The following BRDT variants were observed in gnomAD, a reference collection of about 807,000 sequenced individuals.
BRDT encodes bromodomain testis-specific protein.
A neutral mutation model predicts 113.9 loss-of-function variants in BRDT; 77 were observed. That is an observed-to-expected ratio of 0.68 (90% CI 0.56 to 0.82). The LOEUF (loss-of-function observed/expected upper bound fraction) is 0.82, where lower values mean the gene tolerates loss of function less well. Ranked by LOEUF, BRDT falls within the 40% of genes least tolerant of loss-of-function variation. BRDT has a pLI of 0.00. For synonymous variants in BRDT, 358 were observed against 366.5 expected (o/e 0.98, Z 0.26); for missense variants, 1,027 against 1,105.4 (o/e 0.93, Z 1.01).
intron 1 of BRDT, among the ~76,000 whole-genome samples, chr1:91,953,817 C>T (rs766665): frequency 0.78 from 119,073 of 152,162 alleles, 47,385 homozygotes; most frequent in Non-Finnish European, 0.85. Context: ...ACAAAGTGAA[C>T]TGAACTTTTC....
At chr1:92,006,140 G>A (rs1422484306) in intron 18 of BRDT, among the ~76,000 whole-genome samples, 1 of 152,066 alleles carries the variant, frequency 6.6e-6, no homozygotes, top group African/African-American at 2.4e-5. Flanking sequence ...TTATTTTATG[G>A]CCTGGCTTAT....
chr1:91,983,456 G>A (rs553269296), intron 12 of BRDT, among the ~76,000 whole-genome samples: 8 of 151,766 alleles, frequency 5.3e-5, no homozygotes, highest in South Asian at 2.1e-4. Context: ...GGGTTTCACC[G>A]TGTTAGCCAG....
chr1:92,004,225 A>T (rs1226401896), intron 16 of BRDT, among the ~76,000 whole-genome samples, 189 bp from the exon 17 acceptor site: 1 of 152,100 alleles, frequency 6.6e-6, no homozygotes, highest in Non-Finnish European at 1.5e-5. Flanking sequence ...TAGATGATCT[A>T]TTATGTTTTT....
At position 91,994,068 on chromosome 1, in the gene BRDT, ATTTTG is replaced by A; in HGVS notation, c.2116-10_2116-6del. 6.3e-7 allele frequency: 1 copy of A among 1,580,690 alleles called. No individual in the cohort carries two copies. The highest frequency in any genetic ancestry group is 1.7e-4 in the Middle Eastern group (1 of 5,902). Reference sequence around the variant, plus strand: ...TGGTTAAAACTAAGTGATAACTTTGATTTTGTTTTAACAGATAGGATATTGTGTGC... The same window carrying A: ...TGGTTAAAACTAAGTGATAACTTTGATTTTAACAGATAGGATATTGTGTGC... On this transcript the variant is annotated splice_polypyrimidine_tract_variant and intron_variant, in intron 14 of 18. Coordinates refer to ENST00000399546, the MANE Select transcript of BRDT (RefSeq NM_207189.4).
At chr1:91,954,797 T>C (rs933958921) in intron 1 of BRDT, among the ~76,000 whole-genome samples, 2 of 149,536 alleles carry the variant, frequency 1.3e-5, no homozygotes, top group African/African-American at 2.5e-5. Context: ...TCATCTCTAC[T>C]AAAAAAATTA....
At chr1:91,970,926 AAAAAG>A (rs1557820508) in intron 4 of BRDT, among the ~76,000 whole-genome samples, 1 of 151,868 alleles carries the variant, frequency 6.6e-6, no homozygotes, top group Non-Finnish European at 1.5e-5. Flanking sequence ...AAAAAAAAAA[AAAAAG>A]AAAAGGAAAG....
intron 18 of BRDT, among the ~76,000 whole-genome samples, chr1:92,012,920 A>G (rs1687928918): frequency 6.8e-6 from 1 of 147,766 alleles, no homozygotes; most frequent in Non-Finnish European, 1.5e-5. Context: ...AAGAAAAAAA[A>G]AAAAGAATGT....
chr1:92,007,816 T>C (rs1234995418), intron 18 of BRDT, among the ~76,000 whole-genome samples: 3 of 152,234 alleles, frequency 2.0e-5, no homozygotes, highest in Non-Finnish European at 2.9e-5. Context: ...TCTCTTAAAT[T>C]GTTTTAAATA....
At chr1:91,980,565 T>G in intron 8 of BRDT, 78 bp from the exon 9 acceptor site, 1 of 1,222,828 alleles carries the variant, frequency 8.2e-7, no homozygotes, top group Non-Finnish European at 1.1e-6. Flanking sequence ...TTCTTGACTT[T>G]GGAGTGGCTT....
In BRDT at chr1:91,962,228, A is replaced by G. The variant is rs753191171; in HGVS notation, c.-37-490A>G. 2.3e-4 allele frequency among the ~76,000 whole-genome samples: 33 copies of G among 141,274 alleles called. 4 individuals are homozygous for G. The highest frequency in any genetic ancestry group is 4.8e-4 in the Non-Finnish European group (31 of 64,784). 92.7% of individuals were successfully genotyped at this position (141,274 alleles called of 152,430 possible). On this transcript the variant is annotated intron_variant, in intron 1 of 18. Transcript: ENST00000399546. ...AGGCATATATAGTGAAACTTTTACT[A>G]TTTGTATATAAAAAATTTGTATTTG...
chr1:91,960,088 C>G (rs761949352), intron 1 of BRDT, among the ~76,000 whole-genome samples: 1 of 152,042 alleles, frequency 6.6e-6, no homozygotes, highest in Non-Finnish European at 1.5e-5. Context: ...AACTCTTGTA[C>G]GTTGTTAGTG....
rs76442343 is a variant in BRDT at position 91,977,895 on chromosome 1, T to G, written c.970-273T>G. Among the ~76,000 whole-genome samples the G allele has an allele frequency of 3.2e-3, 486 of 152,102 alleles. 5 individuals carry two copies. The highest frequency in any genetic ancestry group is 0.011 in the African/African-American group (472 of 41,520). ...AAAAAAAAAGATTATATGAAAACACTCTGCTTCTCTGCTTTTGTGATTTTG... is the reference window on the plus strand; with the variant it reads ...AAAAAAAAAGATTATATGAAAACACGCTGCTTCTCTGCTTTTGTGATTTTG... On this transcript the variant is annotated intron_variant, in intron 6 of 18. Transcript: ENST00000399546.
At position 91,994,162 on chromosome 1, in the gene BRDT, CA is replaced by C; in HGVS notation, c.2198del (p.Asn733IlefsTer5). The C allele has an allele frequency of 6.2e-7, 1 of 1,613,338 alleles. No homozygotes were observed. Among genetic ancestry groups the C allele is most frequent in the Non-Finnish European group, 8.5e-7 (1 of 1,179,436 alleles). Reference sequence around the variant, plus strand: ...ACCACACCTTCACATGTAATGCCACCAAATCACCACCAATTAGCATTTAATT... The same window carrying C: ...ACCACACCTTCACATGTAATGCCACCAATCACCACCAATTAGCATTTAATT... ...HQTTPSHVMP[P>X]NHHQLAFNYQ... is the part of the protein sequence containing the mutation. On this transcript the variant is annotated frameshift_variant, in exon 15 of 19. Transcript: ENST00000399546. LOFTEE classifies it high-confidence loss of function.
chr1:91,991,851 G>GTGT (rs1685785504), intron 13 of BRDT, among the ~76,000 whole-genome samples: 1 of 62,554 alleles, frequency 1.6e-5, no homozygotes, highest in African/African-American at 3.8e-5. Flanking sequence ...AATTAGCCGG[G>GTGT]CATGGCGCCA....
chr1:91,966,378 G>A (rs566861333), intron 3 of BRDT, among the ~76,000 whole-genome samples: 1 of 152,276 alleles, frequency 6.6e-6, no homozygotes, highest in African/African-American at 2.4e-5. Context: ...ATGTATAAAA[G>A]ATTTAAAACT....
At chr1:91,985,906 G>T (rs1210401016) in intron 12 of BRDT, among the ~76,000 whole-genome samples, 1 of 152,132 alleles carries the variant, frequency 6.6e-6, no homozygotes, top group Non-Finnish European at 1.5e-5. Context: ...CCAAAGTGCT[G>T]GGATTACAGG....
intron 4 of BRDT, among the ~76,000 whole-genome samples, chr1:91,970,348 C>T (rs1311931907): frequency 1.3e-5 from 2 of 152,188 alleles, no homozygotes; most frequent in African/African-American, 4.8e-5. Context: ...TTCACTGCAG[C>T]CTCAAGCTCC....
Position 92,002,139 on chromosome 1 carries a change from C to T in BRDT, c.2378C>T (p.Pro793Leu). 6.2e-7 allele frequency: 1 copy of T among 1,611,378 alleles called. No homozygotes were observed. The change falls in exon 16 of 19, where the codon CCT becomes CTT. Residue 793 changes from proline to leucine, a missense_variant. Physicochemically the swap from Pro to Leu is moderately conservative, Grantham distance 98. Coordinates refer to ENST00000399546, the MANE Select transcript of BRDT (RefSeq NM_207189.4). ...TTMLESECQAPVQKDIKIKNA... is the reference protein window; with the variant it reads ...TTMLESECQALVQKDIKIKNA... Reference sequence around the variant, plus strand: ...ATGTTAGAATCTGAATGTCAAGCTCCTGTACAGAAGGTAAAAGTAATTTTT... The same window carrying T: ...ATGTTAGAATCTGAATGTCAAGCTCTTGTACAGAAGGTAAAAGTAATTTTT...
rs199704810 is a variant in BRDT, at chr1:92,002,358, G to GT, written c.2388+216dup. ...ACCTATCATTGGTCCTCTTGTTTGT[G>GT]TTTTTTTGTTGTTGTTTTTTTTTGA... On this transcript the variant is annotated intron_variant, in intron 16 of 18. Transcript: ENST00000399546. 1.4e-3 allele frequency among the ~76,000 whole-genome samples: 217 copies of GT among 151,690 alleles called. 2 individuals carry two copies. The highest frequency in any genetic ancestry group is 8.5e-3 in the East Asian group (44 of 5,162).
Sources: allele counts gnomAD v4.1 joint callset (sites outside exome capture counted in the v4.1 genomes callset), GRCh38; gene constraint gnomAD v4.1.1; transcripts MANE v1.5; gene names NCBI Gene and HGNC (gene_info 2026-07-23, HGNC 2026-07-21).